DNAH14: variants seen among roughly 807,000 people sequenced by gnomAD.
The protein encoded by DNAH14 is dynein axonemal heavy chain 14.
In DNAH14, 478 loss-of-function variants were observed where a neutral mutation model predicts 520.9. The ratio of observed to expected loss-of-function variants is 0.92; its 90% CI spans 0.85 to 0.99. The LOEUF (loss-of-function observed/expected upper bound fraction) is 0.99, where lower values mean the gene tolerates loss of function less well. DNAH14 is among the 50% of genes least tolerant of loss of function. DNAH14 has a pLI of 0.00. For synonymous variants in DNAH14, 1,581 were observed against 1,757.2 expected, an observed-to-expected ratio of 0.90 and a Z score of 2.51; for missense variants, 4,831 against 5,234.5, an observed-to-expected ratio of 0.92 and a Z score of 2.38.
chr1:224,945,397 A>AT (rs1166934972), intron 1 of DNAH14, among the ~76,000 whole-genome samples: 5 of 151,346 alleles, frequency 3.3e-5, no homozygotes, highest in African/African-American at 9.7e-5. Flanking sequence ...CATTCATCTT[A>AT]TTTTTTTTCA....
At position 225,320,125 on chromosome 1, in the gene DNAH14, G is replaced by T. The variant is rs928986251; in HGVS notation, c.9335+1448G>T. Reference sequence around the variant, plus strand: ...TTCCCTTTAGCCTAATTTCTGAGGGGTGGTGTGTCATAGTGGTTAAGCACA... The same window carrying T: ...TTCCCTTTAGCCTAATTTCTGAGGGTTGGTGTGTCATAGTGGTTAAGCACA... On this transcript the variant is annotated intron_variant, in intron 61 of 85. Transcript: ENST00000682510. Among the ~76,000 whole-genome samples the T allele has an allele frequency of 1.4e-4, 21 of 152,242 alleles. 1 individual carries two copies. The highest frequency in any genetic ancestry group is 8.8e-5 in the Non-Finnish European group (6 of 68,014).
chr1:225,252,260 T>G (rs2149710691), intron 43 of DNAH14, 41 bp from the exon 44 acceptor site: 1 of 1,076,234 alleles, frequency 9.3e-7, no homozygotes, highest in East Asian at 2.6e-5. Flanking sequence ...ATTCCATAAC[T>G]GAACCCCTTT....
At chr1:225,238,368 A>G (rs1372203597) in intron 42 of DNAH14, among the ~76,000 whole-genome samples, 1 of 152,042 alleles carries the variant, frequency 6.6e-6, no homozygotes, top group Non-Finnish European at 1.5e-5. Context: ...CCACTTTTCC[A>G]TAGGGCAGCT....
intron 73 of DNAH14, among the ~76,000 whole-genome samples, chr1:225,355,177 A>C (rs2095416140): frequency 6.6e-6 from 1 of 152,178 alleles, no homozygotes; most frequent in Non-Finnish European, 1.5e-5. Context: ...TCAAGGACCC[A>C]GCAGATTCAG....
chr1:225,112,095 C>A (rs182322066), intron 23 of DNAH14, among the ~76,000 whole-genome samples: 13 of 152,090 alleles, frequency 8.5e-5, no homozygotes, highest in Admixed American at 7.9e-4. Flanking sequence ...TACAGCATTA[C>A]AATATTTTGT....
intron 28 of DNAH14, among the ~76,000 whole-genome samples, chr1:225,141,854 TTC>T (rs1172972937): frequency 6.6e-6 from 1 of 152,170 alleles, no homozygotes; most frequent in Non-Finnish European, 1.5e-5. Flanking sequence ...ATTAGGGCCA[TTC>T]TCACCTTTAG....
Position 225,333,485 on chromosome 1 carries a change from A to G in DNAH14, c.10059A>G (p.Lys3353=). 6.4e-7 allele frequency: 1 copy of G among 1,550,910 alleles called. No homozygotes were observed. The highest frequency in any genetic ancestry group is 1.2e-5 in the South Asian group (1 of 84,030). The change falls in exon 66 of 86, where the codon AAA becomes AAG. Residue 3353 remains lysine, a synonymous_variant. Coordinates refer to ENST00000682510, the MANE Select transcript of DNAH14 (RefSeq NM_001367479.1). ...ISLSSKFSLI[K]VMAQKYEISR... ...TGTCTTCCAAATTCTCTTTAATTAA[A>G]GTTATGGCACAAAAATATGAGGTAA...
At position 225,305,971 on chromosome 1, in the gene DNAH14, T is replaced by G. The variant is rs571613773; in HGVS notation, c.9005+882T>G. 3.3e-5 allele frequency among the ~76,000 whole-genome samples: 5 copies of G among 152,336 alleles called. No homozygotes were observed. In the South Asian group the frequency reaches 1.0e-3, roughly 32 times the overall value. ...GGATAGACCACAGCCAAGCTCCGTG[T>G]CTGGAGCCAAGCCAGTTAAAAATGT... On this transcript the variant is annotated intron_variant, in intron 58 of 85. Transcript: ENST00000682510.
intron 34 of DNAH14, among the ~76,000 whole-genome samples, chr1:225,158,947 A>C (rs974237540): frequency 6.6e-6 from 1 of 152,234 alleles, no homozygotes; most frequent in Non-Finnish European, 1.5e-5. Flanking sequence ...CCAGCTGGAT[A>C]GCTTGCAAGC....
At chr1:225,376,441 A>T (rs949801279) in intron 78 of DNAH14, among the ~76,000 whole-genome samples, 14 of 152,146 alleles carry the variant, frequency 9.2e-5, no homozygotes, top group African/African-American at 3.1e-4. Context: ...AAGAAAAAAA[A>T]GTTTAGGGTA....
intron 15 of DNAH14, among the ~76,000 whole-genome samples, chr1:225,044,911 A>G (rs1350568699): frequency 2.0e-5 from 3 of 152,100 alleles, no homozygotes; most frequent in Non-Finnish European, 4.4e-5. Context: ...GACCCCTCCC[A>G]TACTCATTTT....
intron 42 of DNAH14, among the ~76,000 whole-genome samples, chr1:225,234,910 T>G (rs964022939): frequency 2.0e-5 from 3 of 152,238 alleles, no homozygotes; most frequent in Admixed American, 6.5e-5. Flanking sequence ...TCTCAGACTT[T>G]GCTGAAGTTA....
chr1:225,127,177 A>G (rs1417420697), intron 27 of DNAH14, among the ~76,000 whole-genome samples: 4 of 152,182 alleles, frequency 2.6e-5, no homozygotes, highest in Non-Finnish European at 5.9e-5. Flanking sequence ...AGAAGAATGT[A>G]TATTCTGTTG....
chr1:225,277,135 G>A (rs1390140597), intron 53 of DNAH14, among the ~76,000 whole-genome samples: 2 of 132,308 alleles, frequency 1.5e-5, no homozygotes, highest in Non-Finnish European at 3.2e-5. Flanking sequence ...CGGGGAAGGG[G>A]GAAGGGAGCC....
chr1:225,250,562 T>G (rs2092498681), intron 43 of DNAH14: 5 of 438,560 alleles, frequency 1.1e-5, no homozygotes, highest in Non-Finnish European at 1.7e-5. Flanking sequence ...GAGGCCAGAC[T>G]CAGATGAAGA....
intron 31 of DNAH14, among the ~76,000 whole-genome samples, chr1:225,151,437 G>A (rs1200741429): frequency 2.0e-5 from 3 of 152,108 alleles, no homozygotes; most frequent in Non-Finnish European, 4.4e-5. Flanking sequence ...TGTCCCAATT[G>A]TTTTCCTGTT....
At chr1:225,236,691 A>C (rs1477795025) in intron 42 of DNAH14, among the ~76,000 whole-genome samples, 1 of 152,052 alleles carries the variant, frequency 6.6e-6, no homozygotes, top group Non-Finnish European at 1.5e-5. Context: ...GTCAAATTGA[A>C]CCCTATACCT....
intron 1 of DNAH14, among the ~76,000 whole-genome samples, chr1:224,951,216 G>A (rs2060150393): frequency 6.6e-6 from 1 of 152,040 alleles, no homozygotes; most frequent in South Asian, 2.1e-4. Flanking sequence ...AGTAGAGGCG[G>A]GGTTTTGCCA....
rs1175599389 is a variant in DNAH14, at chr1:225,337,272, C to T, written c.10087C>T (p.Arg3363Ter). Reference protein sequence around the residue: ...KVMAQKYEISRWHNQGLPHGQ... With the variant: ...KVMAQKYEIS The stretch of plus-strand genomic sequence containing the variant: ...ACTAATAATTTCATTGCAGATCAGC[C>T]GATGGCATAATCAGGGACTGCCTCA... The change falls in exon 67 of 86, where the codon CGA becomes TGA. Residue 3363 changes from arginine (R) to a stop codon, truncating the protein, a stop_gained. Coordinates refer to ENST00000682510, the MANE Select transcript of DNAH14 (RefSeq NM_001367479.1). LOFTEE classifies it high-confidence loss of function. 20 of 1,551,028 alleles carry T rather than the reference C, an allele frequency of 1.3e-5. 1 individual carries two copies. The South Asian group carries it at 1.9e-4, about 15-fold the overall frequency.
Sources: allele counts gnomAD v4.1 joint callset (sites outside exome capture counted in the v4.1 genomes callset), GRCh38; gene constraint gnomAD v4.1.1; transcripts MANE v1.5; gene names NCBI Gene and HGNC (gene_info 2026-07-23, HGNC 2026-07-21).